NFYC: variants seen among roughly 807,000 people sequenced by gnomAD.
The protein encoded by NFYC is CAAT box DNA-binding protein subunit C.
A neutral mutation model predicts 53.1 loss-of-function variants in NFYC; 25 were observed. That is an observed-to-expected ratio of 0.47 (90% CI 0.34 to 0.66). NFYC has a LOEUF of 0.66. NFYC is among the 30% of genes least tolerant of loss of function. The pLI, the probability that NFYC is intolerant of heterozygous loss-of-function variation, is 0.01. For missense variants in NFYC, 260 were observed against 422.7 expected, an observed-to-expected ratio of 0.62 and a Z score of 3.38; for synonymous variants, 145 against 152.6, an observed-to-expected ratio of 0.95 and a Z score of 0.37.
Position 40,759,414 on chromosome 1 carries a change from T to C in NFYC, c.561+1120T>C, listed in dbSNP as rs577413492. On this transcript the variant is annotated intron_variant, in intron 6 of 9. Transcript: ENST00000447388. ...AGCCAGCCATGGTGGCATGCTCTTA[T>C]GGCCCCAGCTACTTAAGAGGCTGAG... 2.6e-5 allele frequency among the ~76,000 whole-genome samples: 4 copies of C among 152,092 alleles called. No individual in the cohort carries two copies. The East Asian group carries it at 7.7e-4, about 29-fold the overall frequency.
intron 1 of NFYC, among the ~76,000 whole-genome samples, chr1:40,714,359 G>A (rs1198463507): frequency 6.6e-6 from 1 of 152,160 alleles, no homozygotes; most frequent in East Asian, 1.9e-4. Context: ...TATTATGTGT[G>A]TATGTGCTTG....
At chr1:40,725,567 T>C (rs1440821352) in intron 1 of NFYC, among the ~76,000 whole-genome samples, 23 of 152,214 alleles carry the variant, frequency 1.5e-4, no homozygotes, top group Non-Finnish European at 1.8e-4. Flanking sequence ...GGTCCATCTG[T>C]GTAAACATAA....
At chr1:40,706,665 T>A (rs1643705555) in intron 1 of NFYC, among the ~76,000 whole-genome samples, 1 of 151,900 alleles carries the variant, frequency 6.6e-6, no homozygotes, top group Non-Finnish European at 1.5e-5. Flanking sequence ...TAAAAAAAAA[T>A]AATGAAAAGA....
intron 1 of NFYC, among the ~76,000 whole-genome samples, chr1:40,707,955 G>A (rs1643800889): frequency 6.6e-6 from 1 of 152,040 alleles, no homozygotes; most frequent in Non-Finnish European, 1.5e-5. Flanking sequence ...ATTATAATGT[G>A]CTTTTAGTAA....
rs1479368760 is a variant in NFYC, at chr1:40,747,517, CTTG to C, written c.106-11_106-9del. ...GATTGTCCCCACCATTTATGCATCT[CTTG>C]TTGTTCATTTCAGAAAGACTTCCGA... On this transcript the variant is annotated splice_polypyrimidine_tract_variant and intron_variant, in intron 2 of 9. Transcript: ENST00000447388. The C allele has an allele frequency of 1.2e-5, 19 of 1,597,396 alleles. No homozygotes were observed. The highest frequency in any genetic ancestry group is 1.7e-4 in the Middle Eastern group (1 of 6,032).
intron 1 of NFYC, among the ~76,000 whole-genome samples, chr1:40,702,594 G>A (rs566379145): frequency 5.9e-5 from 9 of 152,030 alleles, no homozygotes; most frequent in Non-Finnish European, 1.0e-4. Flanking sequence ...TACCTGCCTC[G>A]GCCTCCCAAA....
chr1:40,770,523 C>A lies in NFYC; in HGVS notation c.889-186C>A, dbSNP rs775474488. ...GCCCACCACACACCCCCCCTCACAC[C>A]GGGCTGGTGCCTCCTGTGTCTGCTG... On this transcript the variant is annotated intron_variant, in intron 9 of 9. Transcript: ENST00000447388. The surrounding 1 kb of genome is among the most constrained non-coding windows in gnomAD (Gnocchi z 5.3). The A allele has an allele frequency of 2.6e-6, 4 of 1,560,022 alleles. No individual in the cohort carries two copies. In the African/African-American group the frequency reaches 4.1e-5, roughly 16 times the overall value.
chr1:40,702,567 C>A (rs2148422363), intron 1 of NFYC, among the ~76,000 whole-genome samples: 1 of 152,148 alleles, frequency 6.6e-6, no homozygotes, highest in South Asian at 2.1e-4. Context: ...TGATCTGGAT[C>A]CCCTGACCTC....
intron 5 of NFYC, among the ~76,000 whole-genome samples, chr1:40,757,782 A>G (rs950465312): frequency 6.6e-6 from 1 of 152,256 alleles, no homozygotes; most frequent in African/African-American, 2.4e-5. Flanking sequence ...CTGTTCTCAG[A>G]TCACAGGCCT....
At chr1:40,738,749 AC>A (rs765682349) in intron 1 of NFYC, 86 bp from the exon 2 acceptor site, 91 of 913,082 alleles carry the variant, frequency 1.0e-4, no homozygotes, top group Non-Finnish European at 1.4e-4. Flanking sequence ...ATTCATAAAA[AC>A]ATCCACAAAT....
At chr1:40,731,719 C>T (rs2885325) in intron 1 of NFYC, among the ~76,000 whole-genome samples, 1 of 151,534 alleles carries the variant, frequency 6.6e-6, no homozygotes, top group Non-Finnish European at 1.5e-5. Context: ...CTCCTGACCT[C>T]GTGATCTGCC....
At chr1:40,722,595 T>A (rs1161144781) in intron 1 of NFYC, among the ~76,000 whole-genome samples, 1 of 152,226 alleles carries the variant, frequency 6.6e-6, no homozygotes, top group Non-Finnish European at 1.5e-5. Context: ...GCCATGATGA[T>A]ATGATGCCAT....
chr1:40,708,087 C>T (rs1224452789), intron 1 of NFYC, among the ~76,000 whole-genome samples: 11 of 152,146 alleles, frequency 7.2e-5, no homozygotes, highest in Admixed American at 7.2e-4. Flanking sequence ...CTAAACAATA[C>T]AGTATAACAA....
intron 1 of NFYC, chr1:40,709,510 C>G (rs1372836639): frequency 2.6e-5 from 4 of 152,184 alleles, no homozygotes; most frequent in African/African-American, 9.7e-5. Flanking sequence ...GCATCTCCTG[C>G]TGCCTTTTGT....
intron 1 of NFYC, among the ~76,000 whole-genome samples, chr1:40,734,310 A>G (rs1049472290): frequency 2.6e-5 from 4 of 152,124 alleles, no homozygotes; most frequent in Admixed American, 2.0e-4. Flanking sequence ...CAATTAATGC[A>G]TTAAAATAAG....
intron 1 of NFYC, among the ~76,000 whole-genome samples, chr1:40,733,245 G>T (rs1306828247): frequency 4.6e-5 from 7 of 151,946 alleles, no homozygotes; most frequent in Non-Finnish European, 1.5e-5. Flanking sequence ...AAGGTAATGT[G>T]GTGAGGACAG....
At chr1:40,715,028 C>T (rs1276915783) in intron 1 of NFYC, among the ~76,000 whole-genome samples, 2 of 151,690 alleles carry the variant, frequency 1.3e-5, no homozygotes, top group African/African-American at 2.4e-5. Flanking sequence ...TGCAGTGAGC[C>T]GACATGGCGC....
In NFYC at chr1:40,754,248, A is replaced by G. The variant is rs1480458775; in HGVS notation, c.387+1002A>G. ...AAAGTCTAGGAGAAGTGGGCATCCTAATGAACATTTGTAATTCTGACCCTG... is the reference window on the plus strand; with the variant it reads ...AAAGTCTAGGAGAAGTGGGCATCCTGATGAACATTTGTAATTCTGACCCTG... On this transcript the variant is annotated intron_variant, in intron 5 of 9. Coordinates refer to ENST00000447388, the MANE Select transcript of NFYC (RefSeq NM_014223.5). 5 of 532,154 alleles carry G rather than the reference A, an allele frequency of 9.4e-6. No individual in the cohort carries two copies. The African/African-American group carries it at 9.6e-5, about 10-fold the overall frequency. 33.0% of individuals were successfully genotyped at this position (532,154 alleles called of 1,614,324 possible). A position where few individuals can be genotyped will look rare whatever the true frequency, so the allele number is the denominator to read the frequency against.
chr1:40,730,907 A>G (rs971534301), intron 1 of NFYC, among the ~76,000 whole-genome samples: 2 of 152,204 alleles, frequency 1.3e-5, no homozygotes, highest in African/African-American at 4.8e-5. Context: ...ATGAAGAAAA[A>G]AGAAACCAGT....
Sources: gnomAD v4.1 joint callset for allele counts (sites outside exome capture counted in the v4.1 genomes callset) on GRCh38, gnomAD v4.1.1 for gene constraint, Gnocchi (gnomAD v3.1) non-coding constraint, MANE v1.5 for transcripts, NCBI Gene and HGNC (gene_info 2026-07-23, HGNC 2026-07-21) for gene names.